Variants in RAB37 observed in about 807,000 individuals in gnomAD.
RAB37 encodes the protein RAB37, member RAS oncogene family, also known as ras-related protein Rab-37.
RAB37 carries 29 observed loss-of-function variants against 33.1 expected under a neutral mutation model. The observed-to-expected ratio is 0.88, with a 90% CI of 0.65 to 1.20. RAB37 has a LOEUF of 1.20. Ranked by LOEUF, RAB37 falls within the 50% of genes most tolerant of loss-of-function variation. The pLI, the probability that RAB37 is intolerant of heterozygous loss-of-function variation, is 0.00. For missense variants in RAB37, 299 were observed against 301.1 expected, an observed-to-expected ratio of 0.99 and a Z score of 0.05; for synonymous variants, 128 against 119.5, an observed-to-expected ratio of 1.07 and a Z score of -0.47.
intron 1 of RAB37, chr17:74,695,339 A>G (rs2143534540): frequency 6.6e-7 from 1 of 1,505,086 alleles, no homozygotes; most frequent in South Asian, 1.2e-5. Flanking sequence ...GATAGTGGGG[A>G]TGGACCATTC....
chr17:74,671,524 G>C lies in RAB37; in HGVS notation c.-63G>C. 1.7e-5 allele frequency: 26 copies of C among 1,541,792 alleles called. No individual in the cohort carries two copies. The highest frequency in any genetic ancestry group is 2.3e-5 in the Non-Finnish European group (26 of 1,117,502). ...TGCCGCACCCAGCGGAGCTCGAACC[G>C]AGCTCCTGGAAGCGCTGACGCAGAG... On this transcript the variant is annotated 5_prime_UTR_variant, in exon 1 of 8. Transcript: ENST00000340415. The surrounding 1 kb of genome is among the most constrained non-coding windows in gnomAD (Gnocchi z 5.0).
At chr17:74,731,138 C>T (rs938212159) in intron 2 of RAB37, among the ~76,000 whole-genome samples, 1 of 152,152 alleles carries the variant, frequency 6.6e-6, no homozygotes, top group East Asian at 1.9e-4. Flanking sequence ...TGGTGGACAT[C>T]GGGGTCTCCT....
chr17:74,682,234 A>T (rs1386281249), intron 1 of RAB37, among the ~76,000 whole-genome samples: 1 of 152,168 alleles, frequency 6.6e-6, no homozygotes, highest in Non-Finnish European at 1.5e-5. Context: ...AAGAGAACTC[A>T]TTGGTTCCTG....
Position 74,729,103 on chromosome 17 carries a change from TGTCA to T in RAB37, c.73-150_73-147del, listed in dbSNP as rs1332153273. ...ATGTTTTTCTATGTCTGTATGTGTG[TGTCA>T]GTGTCTTGTGTGTGTGTGTTTCTGT... On this transcript the variant is annotated intron_variant, in intron 1 of 7. Transcript: ENST00000340415. This position sits in a 1 kb window ranked among gnomAD's most constrained non-coding sequence, Gnocchi z 4.2. 6.6e-6 allele frequency among the ~76,000 whole-genome samples: 1 copy of T among 152,132 alleles called. No individual in the cohort carries two copies. The highest frequency in any genetic ancestry group is 1.5e-5 in the Non-Finnish European group (1 of 68,012).
chr17:74,674,617 G>A (rs1598174759), intron 1 of RAB37, among the ~76,000 whole-genome samples: 1 of 152,104 alleles, frequency 6.6e-6, no homozygotes, highest in East Asian at 1.9e-4. Flanking sequence ...GGTGGAGACT[G>A]CAGTGAGCCA....
chr17:74,704,471 C>T (rs761516233), intron 1 of RAB37: 4 of 1,601,484 alleles, frequency 2.5e-6, no homozygotes, highest in Non-Finnish European at 3.4e-6. Flanking sequence ...TATACACTCC[C>T]TCTTACCTGG....
At chr17:74,687,252 C>T (rs1567776355) in intron 1 of RAB37, among the ~76,000 whole-genome samples, 1 of 151,422 alleles carries the variant, frequency 6.6e-6, no homozygotes, top group African/African-American at 2.4e-5. Context: ...GAGATGGAGT[C>T]TTGCTCTATC....
At chr17:74,720,234 G>A (rs2034220952) in intron 1 of RAB37, among the ~76,000 whole-genome samples, 1 of 152,168 alleles carries the variant, frequency 6.6e-6, no homozygotes, top group African/African-American at 2.4e-5. Context: ...TGCTAGGGCT[G>A]GGACGAGTAC....
intron 1 of RAB37, among the ~76,000 whole-genome samples, chr17:74,739,675 G>A (rs928028775): frequency 5.3e-5 from 8 of 151,656 alleles, no homozygotes; most frequent in South Asian, 4.2e-4. Flanking sequence ...GACTACAGGC[G>A]TGTGCCACCA....
At chr17:74,692,311 C>A (rs897360063) in intron 1 of RAB37, among the ~76,000 whole-genome samples, 3 of 152,144 alleles carry the variant, frequency 2.0e-5, no homozygotes, top group African/African-American at 7.2e-5. Context: ...CTGACCTGAC[C>A]AGCTTAGATG....
At chr17:74,689,849 GT>G (rs11290777) in intron 1 of RAB37, among the ~76,000 whole-genome samples, 120,497 of 151,856 alleles carry the variant, frequency 0.79, 51,412 homozygotes, top group Non-Finnish European at 0.96. Flanking sequence ...CAACTCAGTA[GT>G]TTTTTTTTCT....
chr17:74,724,664 G>A (rs978784186), intron 1 of RAB37, among the ~76,000 whole-genome samples: 1 of 152,206 alleles, frequency 6.6e-6, no homozygotes, highest in African/African-American at 2.4e-5. Context: ...GTGGAGTTAG[G>A]AGCAATGTTT....
At chr17:74,724,645 G>C (rs1390834927) in intron 1 of RAB37, among the ~76,000 whole-genome samples, 2 of 152,188 alleles carry the variant, frequency 1.3e-5, no homozygotes, top group Non-Finnish European at 2.9e-5. Context: ...ACAGGTTTGG[G>C]GATAGGCAGT....
At chr17:74,723,887 A>T (rs1466682910) in intron 1 of RAB37, among the ~76,000 whole-genome samples, 1 of 152,030 alleles carries the variant, frequency 6.6e-6, no homozygotes, top group Non-Finnish European at 1.5e-5. Context: ...ACATTTTCAT[A>T]AATGCGAAGA....
intron 1 of RAB37, among the ~76,000 whole-genome samples, chr17:74,715,865 TA>T (rs2034158739): frequency 6.6e-6 from 1 of 151,832 alleles, no homozygotes; most frequent in South Asian, 2.1e-4. Context: ...CCATCTCTAC[TA>T]AAAAATACAA....
chr17:74,682,548 G>A (rs1307254486), intron 1 of RAB37, among the ~76,000 whole-genome samples: 3 of 152,204 alleles, frequency 2.0e-5, no homozygotes, highest in Non-Finnish European at 2.9e-5. Context: ...GACGGCTTAA[G>A]CTCGGGTCAC....
Position 74,697,223 on chromosome 17 carries a change from C to T in RAB37, c.72+25565C>T, listed in dbSNP as rs966009532. On this transcript the variant is annotated intron_variant, in intron 1 of 7. Coordinates refer to the RAB37 transcript ENST00000340415. ...CCTCCCTAAGTGCGGAGATTATAGG[C>T]ATGAGCCACGACACCCAGAGATTGG... Among the ~76,000 whole-genome samples the T allele has an allele frequency of 1.3e-5, 2 of 152,282 alleles. 1 individual carries two copies.
At position 74,744,380 on chromosome 17, in the gene RAB37, G is replaced by T. The variant is rs769544793; in HGVS notation, c.432+7G>T. 3 of 1,614,022 alleles carry T rather than the reference G, an allele frequency of 1.9e-6. No homozygotes were observed. Among genetic ancestry groups the T allele is most frequent in the Non-Finnish European group, 2.5e-6 (3 of 1,179,908 alleles). On this transcript the variant is annotated splice_region_variant and intron_variant, in intron 6 of 8. Coordinates refer to ENST00000392613, the MANE Select transcript of RAB37 (RefSeq NM_001006638.3). This position sits in a 1 kb window ranked among gnomAD's most constrained non-coding sequence, Gnocchi z 4.2. ...CATGCTGCTAGGCAACAAGGTGAGT[G>T]GCTCCGGGGCAGGGTCAGCCCAGCC...
At position 74,705,333 on chromosome 17, in the gene RAB37, C is replaced by T. The variant is rs866877944; in HGVS notation, c.73-23923C>T. On this transcript the variant is annotated intron_variant, in intron 1 of 7. Coordinates refer to the RAB37 transcript ENST00000340415. Reference sequence around the variant, plus strand: ...TGGAATAAACCACCCTGGATGAATGCCTTTGAAGTTGATCAAAACAGCAAC... The same window carrying T: ...TGGAATAAACCACCCTGGATGAATGTCTTTGAAGTTGATCAAAACAGCAAC... 2.4e-5 allele frequency: 16 copies of T among 675,604 alleles called. No individual in the cohort carries two copies. The Middle Eastern group carries it at 2.9e-3, about 122-fold the overall frequency. The allele number at this position is 675,604 out of a possible 1,614,324, so 41.9% of individuals were successfully genotyped here.
Sources: allele counts gnomAD v4.1 joint callset (sites outside exome capture counted in the v4.1 genomes callset), GRCh38; gene constraint gnomAD v4.1.1; non-coding constraint Gnocchi (gnomAD v3.1); transcripts MANE v1.5; gene names NCBI Gene and HGNC (gene_info 2026-07-23, HGNC 2026-07-21).